The following RYR3 variants were observed in gnomAD, a reference collection of about 807,000 sequenced individuals.
RYR3 encodes brain ryanodine receptor-calcium release channel.
In RYR3, 207 loss-of-function variants were observed where a neutral mutation model predicts 584.3. The ratio of observed to expected loss-of-function variants is 0.35; its 90% confidence interval spans 0.32 to 0.40. RYR3 has a LOEUF of 0.40. Among genes scored for constraint, RYR3 ranks in the 10% least tolerant of loss-of-function variants. The probability of loss-of-function intolerance (pLI) is 1.00; values close to 1 mark genes in which losing one functional copy is unlikely to be tolerated. For missense variants in RYR3, 5,616 were observed against 6,089.2 expected, an observed-to-expected ratio of 0.92 and a Z score of 2.59; for synonymous variants, 2,416 against 2,248.5, an observed-to-expected ratio of 1.07 and a Z score of -2.11.
At chr15:33,707,492 C>A (rs1163825021) in intron 43 of RYR3, among the ~76,000 whole-genome samples, 2 of 151,962 alleles carry the variant, frequency 1.3e-5, no homozygotes, top group Non-Finnish European at 2.9e-5. Flanking sequence ...AAGTAAACTC[C>A]CAGGAGAAAA....
chr15:33,608,798 T>A lies in RYR3; in HGVS notation c.2165-4385T>A, dbSNP rs1488427344. Among the ~76,000 whole-genome samples, 9 of 152,230 alleles carry A rather than the reference T, an allele frequency of 5.9e-5. No homozygotes were observed. The East Asian group carries it at 1.7e-3, about 29-fold the overall frequency. On this transcript the variant is annotated intron_variant, in intron 18 of 103. Coordinates refer to ENST00000634891, the MANE Select transcript of RYR3 (RefSeq NM_001036.6). ...AACGTCTACGTTGAGCCCAGTCTCT[T>A]AGAGAAAAGGTGGGAAAAGACAGTG... is the stretch of plus-strand genomic sequence containing the variant.
intron 10 of RYR3, among the ~76,000 whole-genome samples, chr15:33,557,328 G>C (rs764414339): frequency 6.6e-6 from 1 of 152,168 alleles, no homozygotes; most frequent in Non-Finnish European, 1.5e-5. Flanking sequence ...AGTACTTAGC[G>C]CAATACCTAG....
At chr15:33,505,506 T>C (rs2052392076) in intron 3 of RYR3, among the ~76,000 whole-genome samples, 1 of 152,216 alleles carries the variant, frequency 6.6e-6, no homozygotes, top group African/African-American at 2.4e-5. Context: ...ACTTTGTTGT[T>C]GTTGAGACGG....
intron 38 of RYR3, among the ~76,000 whole-genome samples, chr15:33,671,805 C>CATT (rs2063856027): frequency 1.2e-5 from 1 of 80,312 alleles, no homozygotes; most frequent in Non-Finnish European, 2.3e-5. Context: ...CCTTCTTTTT[C>CATT]TTTTTTTTTT....
At chr15:33,797,263 G>A (rs2075681461) in intron 67 of RYR3, among the ~76,000 whole-genome samples, 1 of 152,024 alleles carries the variant, frequency 6.6e-6, no homozygotes, top group African/African-American at 2.4e-5. Context: ...CTGCCTTTTG[G>A]CAGCAAGCAC....
intron 28 of RYR3, among the ~76,000 whole-genome samples, chr15:33,645,781 T>C (rs1428817477): frequency 6.6e-6 from 1 of 152,034 alleles, no homozygotes; most frequent in Non-Finnish European, 1.5e-5. Context: ...CTCTGCCCCC[T>C]GCAATGCTTG....
At chr15:33,853,756 C>G (rs1205509761) in intron 96 of RYR3, 74 bp downstream of exon 96, 6 of 1,542,880 alleles carry the variant, frequency 3.9e-6, no homozygotes, top group South Asian at 2.5e-5. Flanking sequence ...AGGAAAAAAT[C>G]ACAACCGTGT....
At chr15:33,574,395 A>C (rs918154610) in intron 12 of RYR3, among the ~76,000 whole-genome samples, 2 of 152,174 alleles carry the variant, frequency 1.3e-5, no homozygotes, top group East Asian at 3.9e-4. Flanking sequence ...TATCAAATTG[A>C]GTTTCATACT....
chr15:33,388,504 A>G (rs186693816), intron 1 of RYR3, among the ~76,000 whole-genome samples: 30 of 152,332 alleles, frequency 2.0e-4, no homozygotes, highest in Non-Finnish European at 2.5e-4. Flanking sequence ...AAGCGATTCT[A>G]TAGGTACATT....
At chr15:33,627,849 G>T (rs945968958) in intron 20 of RYR3, among the ~76,000 whole-genome samples, 7 of 151,976 alleles carry the variant, frequency 4.6e-5, no homozygotes, top group Non-Finnish European at 7.4e-5. Flanking sequence ...GTTGAGTAAT[G>T]GAGAGAAGGG....
At chr15:33,612,264 TAATC>T (rs1204990773) in intron 18 of RYR3, among the ~76,000 whole-genome samples, 1 of 152,256 alleles carries the variant, frequency 6.6e-6, no homozygotes, top group African/African-American at 2.4e-5. Context: ...AGAAGTTTTT[TAATC>T]AATTCAGAGT....
intron 1 of RYR3, among the ~76,000 whole-genome samples, chr15:33,371,442 A>C (rs1426459777): frequency 1.3e-5 from 2 of 152,228 alleles, no homozygotes; most frequent in Non-Finnish European, 2.9e-5. Flanking sequence ...GATGGCTGAA[A>C]GTGTCATGAG....
intron 1 of RYR3, among the ~76,000 whole-genome samples, chr15:33,380,904 T>C (rs901179426): frequency 2.0e-5 from 3 of 152,226 alleles, no homozygotes; most frequent in Admixed American, 2.0e-4. Flanking sequence ...AAAACAAATA[T>C]TTTAAAGAAG....
intron 87 of RYR3, 83 bp from the exon 88 acceptor site, chr15:33,836,823 C>A: frequency 9.2e-7 from 1 of 1,088,440 alleles, no homozygotes; most frequent in Non-Finnish European, 1.4e-6. Context: ...CCTAACCTTT[C>A]CAGAGCAGGC....
chr15:33,768,984 C>A, intron 61 of RYR3, 128 bp from the exon 62 acceptor site: 1 of 771,178 alleles, frequency 1.3e-6, no homozygotes, highest in South Asian at 1.5e-5. Flanking sequence ...TCGCTGAACA[C>A]AGGCCCAGGA....
chr15:33,467,291 T>A (rs1036615585), intron 1 of RYR3, among the ~76,000 whole-genome samples: 3 of 152,250 alleles, frequency 2.0e-5, no homozygotes, highest in African/African-American at 7.2e-5. Context: ...TACCAGTGAT[T>A]TGCAGATCTA....
chr15:33,311,572 G>C lies in RYR3; in HGVS notation c.51+476G>C, dbSNP rs960734290. ...GGGAAGGAGCCAGCGGGGCAGGGGGGAGTGTGGGGAGCCGGGTCGGAGAAG... is the reference window on the plus strand; with the variant it reads ...GGGAAGGAGCCAGCGGGGCAGGGGGCAGTGTGGGGAGCCGGGTCGGAGAAG... On this transcript the variant is annotated intron_variant, in intron 1 of 103. Coordinates refer to ENST00000634891, the MANE Select transcript of RYR3 (RefSeq NM_001036.6). The surrounding 1 kb of genome is among the most constrained non-coding windows in gnomAD (Gnocchi z 4.4). Among the ~76,000 whole-genome samples, 1 of 152,204 alleles carries C rather than the reference G, an allele frequency of 6.6e-6. No individual in the cohort carries two copies. The highest frequency in any genetic ancestry group is 1.5e-5 in the Non-Finnish European group (1 of 68,026).
chr15:33,550,351 T>A (rs777206667), intron 10 of RYR3, 35 bp downstream of exon 10: 8 of 1,581,676 alleles, frequency 5.1e-6, no homozygotes, highest in Non-Finnish European at 6.9e-6. Context: ...GACCCTGTTC[T>A]AAAAGTGAAA....
intron 78 of RYR3, 123 bp from the exon 79 acceptor site, chr15:33,821,147 T>C (rs961641066): frequency 1.4e-6 from 1 of 716,738 alleles, no homozygotes; most frequent in Non-Finnish European, 2.4e-6. Flanking sequence ...AAGTCTGCTT[T>C]ATCCAAGTTG....
Sources: gnomAD v4.1 joint callset for allele counts (sites outside exome capture counted in the v4.1 genomes callset) on GRCh38, gnomAD v4.1.1 for gene constraint, Gnocchi (gnomAD v3.1) non-coding constraint, MANE v1.5 for transcripts, NCBI Gene and HGNC (gene_info 2026-07-23, HGNC 2026-07-21) for gene names.